OFD1: variants seen among roughly 807,000 people sequenced by gnomAD.
OFD1 encodes the protein OFD1 centriole and centriolar satellite protein, also known as centriole and centriolar satellite protein OFD1.
In OFD1, 12 loss-of-function variants were observed where a neutral mutation model predicts 81.4. The ratio of observed to expected loss-of-function variants is 0.15; its 90% CI spans 0.09 to 0.24. OFD1 has a LOEUF of 0.24. Among genes scored for constraint, OFD1 ranks in the 10% least tolerant of loss-of-function variants. The pLI is 1.00. For missense variants in OFD1, 685 were observed against 733.9 expected, an observed-to-expected ratio of 0.93 and a Z score of 0.77; for synonymous variants, 256 against 263.7, an observed-to-expected ratio of 0.97 and a Z score of 0.28.
rs1365064605 is a variant in OFD1 at position 13,761,173 on chromosome X, C to T, written c.2349C>T (p.Ser783=). The change falls in exon 17 of 23, where the codon TCC becomes TCT. Residue 783 remains serine (S), a synonymous_variant. Transcript: ENST00000340096. The part of the protein sequence containing the change: ...PSPTESRHSL[S]IPPVSSPPEQ... ...CCACTGAGTCTAGGCACAGCCTCTC[C>T]ATCCCTCCTGTCTCCAGCCCTCCGG... 1.7e-6 allele frequency: 2 copies of T among 1,208,836 alleles called. No homozygotes were observed.
At chrX:13,757,903 C>G (rs1443113902) in intron 14 of OFD1, 113 bp downstream of exon 14, 25 of 881,417 alleles carry the variant, frequency 2.8e-5, no homozygotes, top group Non-Finnish European at 3.9e-5. Context: ...TCAAACATTA[C>G]TCCCCCAAAT....
chrX:13,768,951 T>TA, intron 22 of OFD1, 115 bp from the exon 23 acceptor site: 1 of 756,877 alleles, frequency 1.3e-6, no homozygotes, highest in Non-Finnish European at 2.1e-6. Flanking sequence ...GATCCTGATA[T>TA]AAATTGTAAA....
At chrX:13,721,407 C>G in the OFD1 span, 1 of 112,305 alleles carries the variant, frequency 8.9e-6, no homozygotes, top group South Asian at 3.7e-4. Context: ...ACAGTACATG[C>G]TCAATTAATG....
At chrX:13,732,209 A>T (rs1355896326), upstream of OFD1, among the ~76,000 whole-genome samples, 1 of 111,799 alleles carries the variant, frequency 8.9e-6, no homozygotes, top group Non-Finnish European at 1.9e-5. Context: ...TGGGAATCAT[A>T]TTGTAAAAGG....
Position 13,768,001 on chromosome X carries a change from A to C in OFD1, c.2758-53A>C, listed in dbSNP as rs144401718. Reference sequence around the variant, plus strand: ...ATATTAGTGCATTTTTAAAACACTTAAAAGTTTTACAAATGTATTTGTGTA... The same window carrying C: ...ATATTAGTGCATTTTTAAAACACTTCAAAGTTTTACAAATGTATTTGTGTA... On this transcript the variant is annotated intron_variant, in intron 20 of 22. Transcript: ENST00000340096. 33,095 of 1,127,714 alleles carry C rather than the reference A, an allele frequency of 0.029. 412 individuals are homozygous for C. The highest frequency in any genetic ancestry group is 0.034 in the Non-Finnish European group (27,795 of 824,390). 92.9% of individuals were successfully genotyped at this position (1,127,714 alleles called of 1,213,427 possible). A position where few individuals can be genotyped will look rare whatever the true frequency, so the allele number is the denominator to read the frequency against.
At chrX:13,715,683 T>C in the OFD1 span, 1 of 410,496 alleles carries the variant, frequency 2.4e-6, no homozygotes, top group Non-Finnish European at 3.2e-6. Context: ...TATGAAGTAA[T>C]TTTCCCTTAT....
At position 13,769,259 on chromosome X, in the gene OFD1, CAT is replaced by C. The variant is rs1602949479; in HGVS notation, c.*153_*154del. 1 of 509,090 alleles carries C rather than the reference CAT, an allele frequency of 2.0e-6. No homozygotes were observed. The highest frequency in any genetic ancestry group is 3.5e-6 in the Non-Finnish European group (1 of 285,001). The allele number at this position is 509,090 out of a possible 1,213,427, so 42.0% of individuals were successfully genotyped here. ...TTTTTTCCATAATTAATTTTGATAC[CAT>C]AGTGTGTGAACCAAGAATAATCTAG... On this transcript the variant is annotated 3_prime_UTR_variant, in exon 23 of 23. Coordinates refer to ENST00000340096, the MANE Select transcript of OFD1 (RefSeq NM_003611.3).
chrX:13,716,039 T>C, the OFD1 span: 1 of 1,193,800 alleles, frequency 8.4e-7, no homozygotes, highest in Non-Finnish European at 1.1e-6. Flanking sequence ...GTAAAGAAGT[T>C]CTTTATTCCA....
chrX:13,768,856 A>G (rs2048234144), intron 22 of OFD1, 71 bp downstream of exon 22: 5 of 930,129 alleles, frequency 5.4e-6, no homozygotes, highest in Non-Finnish European at 7.8e-6. Context: ...AGAGAAACAG[A>G]TGTTTGAGAT....
At chrX:13,720,077 C>G in the OFD1 span, 1 of 633,438 alleles carries the variant, frequency 1.6e-6, no homozygotes. Context: ...TAAATTTAAA[C>G]CTGACATTGT....
At chrX:13,752,420 C>G (rs1379573438) in intron 10 of OFD1, among the ~76,000 whole-genome samples, 1 of 112,117 alleles carries the variant, frequency 8.9e-6, no homozygotes, top group East Asian at 2.8e-4. Context: ...TCTTTTATTG[C>G]CTTTCTCATA....
downstream of OFD1, chrX:13,771,384 AT>A (rs1416612067): frequency 4.4e-5 from 4 of 90,845 alleles, no homozygotes; most frequent in Middle Eastern, 5.3e-3. Context: ...GCTTCTCTTA[AT>A]TTAAAAAAAA....
In OFD1 at chrX:13,763,797, G is replaced by A. The variant is rs780435482; in HGVS notation, c.2541G>A (p.Gly847=). The change falls in exon 19 of 23, where the codon GGG becomes GGA. Residue 847 remains glycine (G), a synonymous_variant. Coordinates refer to ENST00000340096, the MANE Select transcript of OFD1 (RefSeq NM_003611.3). ...AAATGGGCGGGCTTTCTCCTGCCGG[G>A]GATATGTCTCATGTGGACGCTGCTG... ...QLEMGGLSPA[G]DMSHVDAAAA... is the part of the protein sequence containing the mutation. The A allele has an allele frequency of 4.9e-5, 59 of 1,209,481 alleles. No homozygotes were observed. The highest frequency in any genetic ancestry group is 6.5e-5 in the Non-Finnish European group (58 of 895,085).
intron 2 of OFD1, 109 bp downstream of exon 2, chrX:13,735,455 T>C (rs984812684): frequency 6.9e-6 from 4 of 576,052 alleles, no homozygotes; most frequent in African/African-American, 6.7e-5. Context: ...ACATAGATTG[T>C]ATTGGTGAAT....
intron 9 of OFD1, 120 bp from the exon 10 acceptor site, chrX:13,751,129 C>A: frequency 1.6e-6 from 1 of 636,697 alleles, no homozygotes; most frequent in Non-Finnish European, 2.5e-6. Context: ...CCTTCTACTT[C>A]CCAGTAGTGA....
chrX:13,760,671 A>G lies in OFD1; in HGVS notation c.2211A>G (p.Thr737=), dbSNP rs2047893202. Residue 737 remains threonine, a synonymous_variant, in exon 16 of 23, where the codon ACA becomes ACG. Coordinates refer to ENST00000340096, the MANE Select transcript of OFD1 (RefSeq NM_003611.3). ...GGTSSRRLSS[T]PLPKAKRSLE... is the part of the protein sequence containing the mutation. ...CTTCCTCCAGACGCCTCTCTTCCAC[A>G]CCCCTTCCAAAAGCAAAAAGAAGCC... 1 of 1,209,583 alleles carries G rather than the reference A, an allele frequency of 8.3e-7. No individual in the cohort carries two copies. The highest frequency in any genetic ancestry group is 1.8e-5 in the South Asian group (1 of 56,800).
intron 8 of OFD1, among the ~76,000 whole-genome samples, chrX:13,747,877 G>T (rs963703987): frequency 9.0e-6 from 1 of 111,564 alleles, no homozygotes. Context: ...GACAGAGAGG[G>T]TGAGGAGTGA....
At chrX:13,752,928 C>G (rs1344698252) in intron 10 of OFD1, 1 of 908,623 alleles carries the variant, frequency 1.1e-6, no homozygotes, top group East Asian at 7.8e-5. Flanking sequence ...CAGGACTGTG[C>G]TTAGTCCCTG....
At chrX:13,757,570 T>G (rs2047756011) in intron 13 of OFD1, 90 bp from the exon 14 acceptor site, 1 of 997,918 alleles carries the variant, frequency 1.0e-6, no homozygotes, top group African/African-American at 1.9e-5. Context: ...AAGAACACTT[T>G]AAAACCCCTT....
Sources: allele counts gnomAD v4.1 joint callset (sites outside exome capture counted in the v4.1 genomes callset), GRCh38; gene constraint gnomAD v4.1.1; transcripts MANE v1.5; gene names NCBI Gene and HGNC (gene_info 2026-07-23, HGNC 2026-07-21).